The following COG5 variants were observed in gnomAD, a reference collection of about 807,000 sequenced individuals.
The protein encoded by COG5 is component of oligomeric golgi complex 5.
COG5 carries 86 observed loss-of-function variants against 110.4 expected under a neutral mutation model. The observed-to-expected ratio is 0.78, with a 90% confidence interval of 0.65 to 0.93. COG5 has a LOEUF of 0.93. COG5 is among the 40% of genes least tolerant of loss of function. The pLI is 0.00. For missense variants in COG5, 1,077 were observed against 987.0 expected (o/e 1.09, Z -1.22); for synonymous variants, 360 against 334.6 (o/e 1.08, Z -0.83).
intron 11 of COG5, among the ~76,000 whole-genome samples, chr7:107,322,751 T>A (rs1003098831): frequency 1.3e-5 from 2 of 152,172 alleles, no homozygotes; most frequent in African/African-American, 4.8e-5. Context: ...GGAACACATA[T>A]GTCCACAAAA....
At chr7:107,239,315 T>C (rs1584558459) in intron 17 of COG5, among the ~76,000 whole-genome samples, 2 of 152,230 alleles carry the variant, frequency 1.3e-5, no homozygotes, top group Admixed American at 6.5e-5. Flanking sequence ...TTCTGTTTCA[T>C]TGGTCAATGC....
chr7:107,210,778 G>T (rs1799105153), intron 20 of COG5, among the ~76,000 whole-genome samples, 173 bp from the exon 21 acceptor site: 1 of 152,204 alleles, frequency 6.6e-6, no homozygotes, highest in African/African-American at 2.4e-5. Context: ...GACTACCAAG[G>T]AGCCTTCTAG....
At chr7:107,419,194 AGTC>A (rs1291365762) in intron 6 of COG5, among the ~76,000 whole-genome samples, 1 of 152,218 alleles carries the variant, frequency 6.6e-6, no homozygotes, top group African/African-American at 2.4e-5. Context: ...AAAATTTTAA[AGTC>A]GTGGTATTTG....
chr7:107,437,893 A>C (rs1002892037), intron 6 of COG5, among the ~76,000 whole-genome samples: 1 of 152,190 alleles, frequency 6.6e-6, no homozygotes, highest in African/African-American at 2.4e-5. Flanking sequence ...CCAGCTAAAT[A>C]AATCTCCTTT....
At chr7:107,345,512 T>C (rs1448835506) in intron 10 of COG5, among the ~76,000 whole-genome samples, 1 of 150,706 alleles carries the variant, frequency 6.6e-6, no homozygotes, top group Admixed American at 6.7e-5. Context: ...GTATCTAAAG[T>C]AGTCGGGCAC....
chr7:107,395,814 C>CA (rs1410650383), intron 7 of COG5, among the ~76,000 whole-genome samples: 1 of 152,064 alleles, frequency 6.6e-6, no homozygotes, highest in Non-Finnish European at 1.5e-5. Flanking sequence ...CTTGGCCTCC[C>CA]AAAGTGCTAG....
In COG5 at chr7:107,202,289, T is replaced by TTTAA. The variant is rs1415420149; in HGVS notation, c.*1223_*1226dup. 1 of 152,668 alleles carries TTTAA rather than the reference T, an allele frequency of 6.6e-6. No homozygotes were observed. Among genetic ancestry groups the TTTAA allele is most frequent in the Non-Finnish European group, 1.5e-5 (1 of 68,030 alleles). 9.5% of individuals were successfully genotyped at this position (152,668 alleles called of 1,614,324 possible). The stretch of plus-strand genomic sequence containing the variant: ...ACTTACTGCAGTGCAACACTTGCAC[T>TTTAA]TTAATTTTCCTCCAACTGTCTAAAA... On this transcript the variant is annotated 3_prime_UTR_variant, in exon 22 of 22. Coordinates refer to ENST00000297135, the MANE Select transcript of COG5 (RefSeq NM_006348.5).
At chr7:107,344,112 G>C (rs577744854) in intron 10 of COG5, among the ~76,000 whole-genome samples, 12 of 152,252 alleles carry the variant, frequency 7.9e-5, no homozygotes, top group Admixed American at 5.2e-4. Flanking sequence ...TTGAAGCTTT[G>C]AAGCCAGGTA....
chr7:107,254,198 C>T (rs991344215), intron 16 of COG5, among the ~76,000 whole-genome samples: 1 of 152,054 alleles, frequency 6.6e-6, no homozygotes, highest in Non-Finnish European at 1.5e-5. Flanking sequence ...TGTTATATGT[C>T]TATATCTATA....
At chr7:107,532,747 CAT>C in intron 5 of COG5, among the ~76,000 whole-genome samples, 1 of 152,250 alleles carries the variant, frequency 6.6e-6, no homozygotes, top group South Asian at 2.1e-4. Flanking sequence ...TATAATTATT[CAT>C]TTGCTCTGCT....
chr7:107,425,540 A>T (rs1793589169), intron 6 of COG5, among the ~76,000 whole-genome samples: 2 of 151,950 alleles, frequency 1.3e-5, no homozygotes, highest in Admixed American at 6.6e-5. Flanking sequence ...TTATATAGGT[A>T]TTATGAGAGT....
rs545586510 is a variant in COG5, at chr7:107,516,868, T to C, written c.538+10369A>G. Among the ~76,000 whole-genome samples the C allele has an allele frequency of 1.5e-4, 23 of 152,072 alleles. No individual in the cohort carries two copies. The South Asian group carries it at 4.6e-3, about 30-fold the overall frequency. ...ACCCAAAGGTCATCAGCCTCAAAGA[T>C]CAAAGGTAGATAAATCCACAAAGAT... On this transcript the variant is annotated intron_variant, in intron 6 of 21. Transcript: ENST00000297135.
At position 107,389,081 on chromosome 7, in the gene COG5, A is replaced by G. The variant is rs536305020; in HGVS notation, c.670-16321T>C. Among the ~76,000 whole-genome samples, 5 of 152,320 alleles carry G rather than the reference A, an allele frequency of 3.3e-5. 1 individual carries two copies. In the East Asian group the frequency reaches 9.6e-4, roughly 29 times the overall value. On this transcript the variant is annotated intron_variant, in intron 7 of 21. Coordinates refer to ENST00000297135, the MANE Select transcript of COG5 (RefSeq NM_006348.5). ...CTTTATATGCTCTCACTTTGTCTGC[A>G]ACCTGTACCTGCTACACTCTATTGG...
chr7:107,468,595 T>TCA (rs1355602077), intron 6 of COG5, among the ~76,000 whole-genome samples: 1 of 152,136 alleles, frequency 6.6e-6, no homozygotes, highest in Non-Finnish European at 1.5e-5. Flanking sequence ...TTTTAGAAAT[T>TCA]CACAACAAAA....
chr7:107,423,214 T>C (rs993112747), intron 6 of COG5, among the ~76,000 whole-genome samples: 11 of 152,310 alleles, frequency 7.2e-5, no homozygotes, highest in Non-Finnish European at 2.9e-5. Flanking sequence ...AACCACACTT[T>C]TATATTTTGA....
chr7:107,419,877 T>A (rs1046378053), intron 6 of COG5, among the ~76,000 whole-genome samples: 4 of 152,166 alleles, frequency 2.6e-5, no homozygotes, highest in Admixed American at 2.6e-4. Context: ...CAAGAGTTTA[T>A]AGTTTTAAAT....
intron 7 of COG5, among the ~76,000 whole-genome samples, chr7:107,391,856 C>T (rs1790646304): frequency 6.6e-6 from 1 of 152,066 alleles, no homozygotes; most frequent in Non-Finnish European, 1.5e-5. Flanking sequence ...CTTTGGGAGG[C>T]CAAGGAGGGC....
At chr7:107,415,230 G>A (rs1792633685) in intron 6 of COG5, among the ~76,000 whole-genome samples, 1 of 152,278 alleles carries the variant, frequency 6.6e-6, no homozygotes, top group Admixed American at 6.5e-5. Context: ...AAGGAATGAG[G>A]AGGGTAAATC....
intron 2 of COG5, among the ~76,000 whole-genome samples, chr7:107,555,895 T>C (rs1803279164): frequency 1.3e-5 from 2 of 151,984 alleles, no homozygotes; most frequent in African/African-American, 4.8e-5. Context: ...ACACCTGTAA[T>C]CTCAGCTACT....
Sources: allele counts gnomAD v4.1 joint callset (sites outside exome capture counted in the v4.1 genomes callset), GRCh38; gene constraint gnomAD v4.1.1; transcripts MANE v1.5; gene names NCBI Gene and HGNC (gene_info 2026-07-23, HGNC 2026-07-21).